Variants in NLGN1 observed in about 807,000 individuals in gnomAD.
NLGN1 encodes the protein neuroligin 1.
A neutral mutation model predicts 65.5 loss-of-function variants in NLGN1; 12 were observed. The ratio of observed to expected loss-of-function variants is 0.18; its 90% CI spans 0.12 to 0.30. NLGN1 has a LOEUF of 0.30. Ranked by LOEUF, NLGN1 falls within the 10% of genes least tolerant of loss-of-function variation. NLGN1 has a pLI of 1.00. For missense variants in NLGN1, 750 were observed against 1,007.1 expected (o/e 0.74, Z 3.46); for synonymous variants, 350 against 359.5 (o/e 0.97, Z 0.30).
intron 3 of NLGN1, among the ~76,000 whole-genome samples, chr3:173,688,601 A>G (rs1425127292): frequency 3.9e-5 from 6 of 152,214 alleles, no homozygotes; most frequent in Non-Finnish European, 8.8e-5. Context: ...ATCAAACACT[A>G]AACACATGGC....
At chr3:174,062,063 C>G (rs1737534713) in intron 4 of NLGN1, among the ~76,000 whole-genome samples, 2 of 151,952 alleles carry the variant, frequency 1.3e-5, no homozygotes, top group South Asian at 4.2e-4. Flanking sequence ...GGGGAAGAAA[C>G]TGTAAGAAAG....
rs111389023 is a variant in NLGN1, at chr3:173,661,778, G to A, written c.493+56687G>A. ...AATCTGGCATTTTGGGCCACTTAGC[G>A]AAAGTCGTTAGAATACCATTTCATT... is the stretch of plus-strand genomic sequence containing the variant. On this transcript the variant is annotated intron_variant, in intron 3 of 6. Coordinates refer to ENST00000457714, the Ensembl canonical transcript of NLGN1. Among the ~76,000 whole-genome samples the A allele has an allele frequency of 3.6e-3, 550 of 152,044 alleles. 3 individuals carry two copies. Among genetic ancestry groups the A allele is most frequent in the African/African-American group, 0.013 (527 of 41,512 alleles).
chr3:173,746,497 T>A (rs1448239313), intron 3 of NLGN1, among the ~76,000 whole-genome samples: 1 of 151,844 alleles, frequency 6.6e-6, no homozygotes, highest in African/African-American at 2.4e-5. Context: ...TCCCGGTCTC[T>A]AGCTTGTATC....
chr3:173,970,132 A>G (rs1344544700), intron 4 of NLGN1, among the ~76,000 whole-genome samples: 1 of 152,128 alleles, frequency 6.6e-6, no homozygotes, highest in Non-Finnish European at 1.5e-5. Context: ...TAAGATTGGC[A>G]TTTTCCCAAT....
intron 4 of NLGN1, among the ~76,000 whole-genome samples, chr3:174,198,395 C>T (rs184763914): frequency 6.6e-6 from 1 of 152,270 alleles, no homozygotes; most frequent in East Asian, 1.9e-4. Flanking sequence ...TGTGTTATTA[C>T]TAAATATATT....
chr3:173,911,759 A>G (rs940899953), intron 4 of NLGN1, among the ~76,000 whole-genome samples: 3 of 152,196 alleles, frequency 2.0e-5, no homozygotes, highest in African/African-American at 7.2e-5. Context: ...TTGAAAAGGC[A>G]TAATAATAAT....
intron 3 of NLGN1, among the ~76,000 whole-genome samples, chr3:173,706,729 G>T (rs940921846): frequency 1.3e-5 from 2 of 152,168 alleles, no homozygotes; most frequent in African/African-American, 4.8e-5. Context: ...TATGAATATA[G>T]ATCATATAGA....
intron 3 of NLGN1, among the ~76,000 whole-genome samples, chr3:173,739,383 A>T (rs1774270506): frequency 6.6e-6 from 1 of 152,024 alleles, no homozygotes; most frequent in South Asian, 2.1e-4. Context: ...AAATATTTTA[A>T]CCCGAACAAA....
intron 2 of NLGN1, 23 bp from the exon 2 acceptor site, chr3:173,604,256 T>C (rs781225979): frequency 1.2e-5 from 3 of 249,728 alleles, no homozygotes; most frequent in Non-Finnish European, 2.3e-5. Flanking sequence ...TTCCAGCTCA[T>C]GATTTATTTT....
chr3:173,697,393 A>C (rs543091935), intron 3 of NLGN1, among the ~76,000 whole-genome samples: 47 of 152,350 alleles, frequency 3.1e-4, no homozygotes, highest in African/African-American at 1.1e-3. Flanking sequence ...TTTATAAAGA[A>C]AATGGATACA....
At chr3:173,475,672 A>G (rs1726071267) in intron 2 of NLGN1, among the ~76,000 whole-genome samples, 1 of 152,184 alleles carries the variant, frequency 6.6e-6, no homozygotes, top group African/African-American at 2.4e-5. Flanking sequence ...TATTTTTAGC[A>G]AGAGTTAATT....
In NLGN1 at chr3:173,612,108, C is replaced by T. The variant is rs181955342; in HGVS notation, c.493+7017C>T. ...GAATACTCTTCTCCTTCTTCCTCTC[C>T]TGGCAGGACATGCTAACGTAGTTTA... On this transcript the variant is annotated intron_variant, in intron 3 of 6. Coordinates refer to ENST00000457714, the Ensembl canonical transcript of NLGN1. Among the ~76,000 whole-genome samples, 18 of 152,034 alleles carry T rather than the reference C, an allele frequency of 1.2e-4. No homozygotes were observed. The East Asian group carries it at 3.5e-3, about 29-fold the overall frequency.
chr3:173,755,290 A>T (rs1442426021), intron 3 of NLGN1, among the ~76,000 whole-genome samples: 1 of 152,112 alleles, frequency 6.6e-6, no homozygotes, highest in Non-Finnish European at 1.5e-5. Flanking sequence ...TTTAATGCCA[A>T]ATCTAAGGTC....
intron 4 of NLGN1, among the ~76,000 whole-genome samples, chr3:174,056,792 G>A (rs1206759167): frequency 6.6e-6 from 1 of 151,932 alleles, no homozygotes; most frequent in East Asian, 1.9e-4. Flanking sequence ...GAGAAGCCTT[G>A]TCACTTATTA....
chr3:173,736,589 T>G (rs958089378), intron 3 of NLGN1, among the ~76,000 whole-genome samples: 1 of 151,892 alleles, frequency 6.6e-6, no homozygotes, highest in Non-Finnish European at 1.5e-5. Flanking sequence ...TCTGATGAAG[T>G]CCTCCATCTT....
chr3:173,844,893 A>G (rs1446141426), intron 4 of NLGN1, among the ~76,000 whole-genome samples: 1 of 152,232 alleles, frequency 6.6e-6, no homozygotes, highest in Admixed American at 6.5e-5. Context: ...TTTTAAAATA[A>G]CCAGCCATTA....
At chr3:174,179,006 G>A (rs1251289242) in intron 4 of NLGN1, among the ~76,000 whole-genome samples, 1 of 151,976 alleles carries the variant, frequency 6.6e-6, no homozygotes, top group Non-Finnish European at 1.5e-5. Context: ...TCTTTTTTCA[G>A]ATTACTTTTT....
chr3:173,834,480 A>G (rs1723200156), intron 4 of NLGN1, among the ~76,000 whole-genome samples: 1 of 152,156 alleles, frequency 6.6e-6, no homozygotes, highest in Non-Finnish European at 1.5e-5. Context: ...TCTTTAGAAA[A>G]CAGGTGTTTT....
At chr3:173,798,764 GGTA>G (rs1714741629) in intron 3 of NLGN1, among the ~76,000 whole-genome samples, 1 of 151,938 alleles carries the variant, frequency 6.6e-6, no homozygotes, top group Non-Finnish European at 1.5e-5. Flanking sequence ...TTTCAATTGA[GGTA>G]GTCAATGGGT....
Sources: allele counts gnomAD v4.1 joint callset (sites outside exome capture counted in the v4.1 genomes callset), GRCh38; gene constraint gnomAD v4.1.1; transcripts MANE v1.5; gene names NCBI Gene and HGNC (gene_info 2026-07-23, HGNC 2026-07-21).